The following SETBP1 variants were observed in gnomAD, a reference collection of about 807,000 sequenced individuals.
SETBP1 encodes the protein SET binding protein 1.
SETBP1 carries 9 observed loss-of-function variants against 101.0 expected under a neutral mutation model. That is an observed-to-expected ratio of 0.09 (90% CI 0.05 to 0.16). SETBP1 has a LOEUF of 0.16. Among genes scored for constraint, SETBP1 ranks in the 10% least tolerant of loss-of-function variants. SETBP1 has a pLI of 1.00. For synonymous variants in SETBP1, 818 were observed against 788.5 expected (o/e 1.04, Z -0.63); for missense variants, 1,858 against 2,033.8 (o/e 0.91, Z 1.66).
chr18:44,929,712 T>C (rs1282035957), intron 3 of SETBP1, among the ~76,000 whole-genome samples: 1 of 152,202 alleles, frequency 6.6e-6, no homozygotes, highest in Non-Finnish European at 1.5e-5. Flanking sequence ...GAATGGGAGT[T>C]CACTCATGAT....
chr18:44,968,994 T>TG (rs1420976207), intron 4 of SETBP1, among the ~76,000 whole-genome samples: 2 of 152,192 alleles, frequency 1.3e-5, no homozygotes, highest in African/African-American at 2.4e-5. Context: ...TTCTTTTTGG[T>TG]GGGAGTCAGG....
chr18:44,876,589 G>T (rs745676633), intron 3 of SETBP1: 1 of 1,551,140 alleles, frequency 6.4e-7, no homozygotes, highest in Admixed American at 2.0e-5. Flanking sequence ...TAAGGAGGAA[G>T]TCTGGAAGAG....
In SETBP1 at chr18:44,949,892, G is replaced by A. The variant is rs764526847; in HGVS notation, c.552G>A (p.Arg184=). ...LKGFQPQAYE[R]PQKHSTLHYD... is the part of the protein sequence containing the mutation. ...CCACCCACCCTTAGGCTTACGAGAG[G>A]CCCCAGAAACATTCAACTCTCCATT... is the stretch of plus-strand genomic sequence containing the variant. Residue 184 remains arginine, a synonymous_variant, in exon 4 of 6, where the codon AGG becomes AGA. Coordinates refer to ENST00000649279, the MANE Select transcript of SETBP1 (RefSeq NM_015559.3). 6.2e-7 allele frequency: 1 copy of A among 1,613,164 alleles called. No homozygotes were observed. The highest frequency in any genetic ancestry group is 1.3e-5 in the African/African-American group (1 of 74,966).
At position 45,029,587 on chromosome 18, in the gene SETBP1, A is replaced by G. The variant is rs545851064; in HGVS notation, c.4001-8898A>G. On this transcript the variant is annotated intron_variant, in intron 4 of 5. Coordinates refer to ENST00000649279, the MANE Select transcript of SETBP1 (RefSeq NM_015559.3). ...GCTTGATGGGGATGGCATTGAATCT[A>G]TAAATTACCTTGGGCAGTATGGCCA... is the stretch of plus-strand genomic sequence containing the variant. 9.9e-5 allele frequency among the ~76,000 whole-genome samples: 15 copies of G among 152,250 alleles called. 1 individual carries two copies. The South Asian group carries it at 2.3e-3, about 23-fold the overall frequency.
At chr18:45,014,166 G>A (rs781411007) in intron 4 of SETBP1, among the ~76,000 whole-genome samples, 3 of 152,238 alleles carry the variant, frequency 2.0e-5, no homozygotes, top group Non-Finnish European at 4.4e-5. Flanking sequence ...TAGGCTGAGG[G>A]AGGTAGTAAA....
At chr18:44,947,285 T>C (rs2071228793) in intron 3 of SETBP1, among the ~76,000 whole-genome samples, 1 of 151,944 alleles carries the variant, frequency 6.6e-6, no homozygotes, top group Admixed American at 6.6e-5. Flanking sequence ...GGGACTCTGT[T>C]AGGTACCAAG....
intron 2 of SETBP1, among the ~76,000 whole-genome samples, chr18:44,839,642 C>A (rs1555689098): frequency 6.6e-6 from 1 of 152,218 alleles, no homozygotes; most frequent in Non-Finnish European, 1.5e-5. Context: ...AGTGTCCAGA[C>A]TACTTAGGCT....
chr18:44,931,538 G>A (rs1294405643), intron 3 of SETBP1, among the ~76,000 whole-genome samples: 1 of 152,142 alleles, frequency 6.6e-6, no homozygotes, highest in Non-Finnish European at 1.5e-5. Context: ...TGACAGTGGG[G>A]TGTTAAAGTC....
intron 2 of SETBP1, among the ~76,000 whole-genome samples, chr18:44,798,770 C>A (rs1040114242): frequency 6.6e-6 from 1 of 152,178 alleles, no homozygotes; most frequent in Admixed American, 6.5e-5. Context: ...AGGTCACTTA[C>A]GTGTAGCTCA....
intron 4 of SETBP1, among the ~76,000 whole-genome samples, chr18:44,959,481 G>A (rs1701276657): frequency 6.6e-6 from 1 of 152,226 alleles, no homozygotes; most frequent in African/African-American, 2.4e-5. Context: ...TGCCTAGTAT[G>A]TATAAGGCTT....
chr18:44,973,738 G>A (rs915734737), intron 4 of SETBP1, among the ~76,000 whole-genome samples: 7 of 152,218 alleles, frequency 4.6e-5, no homozygotes, highest in African/African-American at 1.7e-4. Flanking sequence ...GCAAGAAAAT[G>A]CTGGTAGGGC....
intron 4 of SETBP1, among the ~76,000 whole-genome samples, chr18:45,035,609 T>TAAATATCTGACTGCTAATCCTGTTTATGG (rs2073380589): frequency 6.6e-6 from 1 of 152,246 alleles, no homozygotes. Context: ...AAGTGGGAGT[T>TAAATATCTGACTGCTAATCCTGTTTATGG]AAATATCTGA....
In SETBP1 at chr18:44,714,935, G is replaced by A. The variant is rs530143757; in HGVS notation, c.486+13103G>A. ...GTTCCTTCTTTTGGGTTTGCTCTTC[G>A]TATAGTTAAGCAAAGTTGTTATTTC... On this transcript the variant is annotated intron_variant, in intron 2 of 5. Transcript: ENST00000649279. Among the ~76,000 whole-genome samples the A allele has an allele frequency of 3.4e-4, 52 of 152,136 alleles. No individual in the cohort carries two copies. In the South Asian group the frequency reaches 9.3e-3, roughly 27 times the overall value.
intron 4 of SETBP1, among the ~76,000 whole-genome samples, chr18:44,968,902 A>C (rs2071779836): frequency 6.6e-6 from 1 of 152,206 alleles, no homozygotes; most frequent in Non-Finnish European, 1.5e-5. Flanking sequence ...CTCACTGTTA[A>C]TTTCTTTTCA....
chr18:44,994,176 A>T (rs1206858984), intron 4 of SETBP1, among the ~76,000 whole-genome samples: 3 of 152,120 alleles, frequency 2.0e-5, no homozygotes, highest in Non-Finnish European at 4.4e-5. Flanking sequence ...TTTTTTACAT[A>T]AAAAACCTGG....
Position 44,986,555 on chromosome 18 carries a change from C to T in SETBP1, c.4000+33215C>T, listed in dbSNP as rs541898477. The T allele has an allele frequency of 2.0e-5, 3 of 151,990 alleles. No homozygotes were observed. In the East Asian group the frequency reaches 5.8e-4, roughly 29 times the overall value. 9.4% of individuals were successfully genotyped at this position (151,990 alleles called of 1,614,324 possible). ...CACTTTTGTAATACTTATATTAAAA[C>T]ACATTCTACAGTTGTGCAAAATATT... On this transcript the variant is annotated intron_variant, in intron 4 of 5. Transcript: ENST00000649279.
Position 44,950,455 on chromosome 18 carries a change from A to G in SETBP1, c.1115A>G (p.Tyr372Cys). ...AATACAGAAGGGAAAAGGGAAGGTTATTCCGCAGATAGTGCCCAAGAGGCA... is the reference window on the plus strand; with the variant it reads ...AATACAGAAGGGAAAAGGGAAGGTTGTTCCGCAGATAGTGCCCAAGAGGCA... ...FDNTEGKREG[Y>C]SADSAQEASP... Residue 372 changes from tyrosine (Y) to cysteine (C), a missense_variant, in exon 4 of 6, where the codon TAT becomes TGT. Tyr to Cys is a radical substitution (Grantham distance 194). Around this residue, in one of 12 missense-constraint regions of SETBP1, gnomAD observed 581 missense variants for 535.1 expected, o/e 1.09. Transcript: ENST00000649279. The G allele has an allele frequency of 3.1e-6, 5 of 1,614,168 alleles. No homozygotes were observed. Among genetic ancestry groups the G allele is most frequent in the Non-Finnish European group, 4.2e-6 (5 of 1,180,036 alleles).
rs76940586 is a variant in SETBP1 at position 44,802,106 on chromosome 18, C to G, written c.487-67124C>G. Among the ~76,000 whole-genome samples, 84 of 152,292 alleles carry G rather than the reference C, an allele frequency of 5.5e-4. 1 individual carries two copies. In the East Asian group the frequency reaches 0.016, roughly 29 times the overall value. On this transcript the variant is annotated intron_variant, in intron 2 of 5. Coordinates refer to ENST00000649279, the MANE Select transcript of SETBP1 (RefSeq NM_015559.3). ...AGAAATAATTGGCATACACCGTCCT[C>G]CAGGGAATCTCCTTTTCAAGGTTCA...
chr18:44,986,428 C>G (rs191089230), intron 4 of SETBP1: 251 of 151,888 alleles, frequency 1.7e-3, no homozygotes, highest in African/African-American at 5.8e-3. Context: ...TTTATAAATG[C>G]TCTACACTAA....
Sources: gnomAD v4.1 joint callset for allele counts (sites outside exome capture counted in the v4.1 genomes callset) on GRCh38, gnomAD v4.1.1 for gene constraint, gnomAD v4.1.1 regional missense constraint, MANE v1.5 for transcripts, NCBI Gene and HGNC (gene_info 2026-07-23, HGNC 2026-07-21) for gene names.